Variants in KCNMA1 observed in about 807,000 individuals in gnomAD.
KCNMA1 encodes the protein potassium calcium-activated channel subfamily M alpha 1.
In KCNMA1, 29 loss-of-function variants were observed where a neutral mutation model predicts 140.0. The observed-to-expected ratio is 0.21, with a 90% CI of 0.15 to 0.28. The LOEUF (loss-of-function observed/expected upper bound fraction) is 0.28. KCNMA1 is among the 10% of genes least tolerant of loss of function. The pLI is 1.00. For synonymous variants in KCNMA1, 612 were observed against 611.9 expected, an observed-to-expected ratio of 1.00 and a Z score of 0.00; for missense variants, 880 against 1,602.2, an observed-to-expected ratio of 0.55 and a Z score of 7.70.
At chr10:77,169,603 A>G (rs2098680976) in intron 5 of KCNMA1, among the ~76,000 whole-genome samples, 1 of 151,992 alleles carries the variant, frequency 6.6e-6, no homozygotes, top group African/African-American at 2.4e-5. Flanking sequence ...TGTGTTGCCT[A>G]GGCTGGCCTC....
At chr10:77,512,778 G>A (rs918049522) in intron 1 of KCNMA1, among the ~76,000 whole-genome samples, 13 of 152,272 alleles carry the variant, frequency 8.5e-5, no homozygotes, top group African/African-American at 2.9e-4. Context: ...AGGCAGAGAG[G>A]CCTGTGATGA....
chr10:77,413,771 G>T (rs1359427411), intron 1 of KCNMA1, among the ~76,000 whole-genome samples: 1 of 152,174 alleles, frequency 6.6e-6, no homozygotes, highest in Non-Finnish European at 1.5e-5. Flanking sequence ...TAAGACATTT[G>T]CACTGATTAA....
In KCNMA1 at chr10:76,885,380, A is replaced by C; in HGVS notation, c.*1886T>G. On this transcript the variant is annotated 3_prime_UTR_variant, in exon 28 of 28. Coordinates refer to ENST00000286628, the MANE Select transcript of KCNMA1 (RefSeq NM_001161352.2). ...ATTTACATGTATACAATTATTCCCC[A>C]CCACAATACTGGTTTGAATACTACG... is the stretch of plus-strand genomic sequence containing the variant. The C allele has an allele frequency of 1.0e-6, 1 of 985,084 alleles. No homozygotes were observed. 61.0% of individuals were successfully genotyped at this position (985,084 alleles called of 1,614,324 possible).
At chr10:76,966,858 C>T (rs2074141103) in intron 20 of KCNMA1, among the ~76,000 whole-genome samples, 1 of 152,192 alleles carries the variant, frequency 6.6e-6, no homozygotes, top group Non-Finnish European at 1.5e-5. Context: ...ACTCGCCATT[C>T]AGCTCTATCT....
At chr10:76,965,377 G>A (rs1244735168) in intron 20 of KCNMA1, among the ~76,000 whole-genome samples, 3 of 152,186 alleles carry the variant, frequency 2.0e-5, no homozygotes, top group Non-Finnish European at 2.9e-5. Context: ...CTGGGGTTGA[G>A]TGGGCCTTCT....
intron 23 of KCNMA1, among the ~76,000 whole-genome samples, chr10:76,926,529 TA>T (rs2057734266): frequency 6.6e-6 from 1 of 152,172 alleles, no homozygotes; most frequent in African/African-American, 2.4e-5. Flanking sequence ...ACATGGGTTT[TA>T]GTCCCAGGTC....
At chr10:77,143,113 T>C (rs2098217078) in intron 5 of KCNMA1, among the ~76,000 whole-genome samples, 1 of 151,762 alleles carries the variant, frequency 6.6e-6, no homozygotes. Flanking sequence ...AAGAGTATTA[T>C]GAAAAGAAAA....
chr10:77,012,043 C>T lies in KCNMA1; in HGVS notation c.2016G>A (p.Arg672=). ...FIASDAKEVK[R]AFFYCKACHD... ...GACAGGCCTTGCAGTAAAAAAATGC[C>T]CTGGAGAAAGAGAATGGAAAAACTG... Residue 672 remains arginine, a splice_region_variant and synonymous_variant, in exon 18 of 28, where the codon AGG becomes AGA. Transcript: ENST00000286628. 6.2e-7 allele frequency: 1 copy of T among 1,613,674 alleles called. No homozygotes were observed. The highest frequency in any genetic ancestry group is 8.5e-7 in the Non-Finnish European group (1 of 1,179,854).
intron 25 of KCNMA1, among the ~76,000 whole-genome samples, chr10:76,908,909 C>T (rs1432933207): frequency 1.3e-5 from 2 of 152,204 alleles, no homozygotes; most frequent in Non-Finnish European, 2.9e-5. Flanking sequence ...CTACTTTTGC[C>T]TTTTGCAGTG....
At chr10:77,566,131 T>C (rs1348411906) in intron 1 of KCNMA1, among the ~76,000 whole-genome samples, 1 of 152,150 alleles carries the variant, frequency 6.6e-6, no homozygotes, top group African/African-American at 2.4e-5. Flanking sequence ...ATAGCAAAAA[T>C]AGGCTTTGGA....
chr10:77,339,536 C>G (rs1171522238), intron 2 of KCNMA1, among the ~76,000 whole-genome samples: 1 of 152,198 alleles, frequency 6.6e-6, no homozygotes, highest in Non-Finnish European at 1.5e-5. Context: ...CACCCCACCT[C>G]CCCACCACCC....
chr10:77,176,481 G>A (rs2098752502), intron 5 of KCNMA1, among the ~76,000 whole-genome samples: 2 of 152,098 alleles, frequency 1.3e-5, no homozygotes, highest in African/African-American at 4.8e-5. Context: ...GTCACTCCAT[G>A]CAAATGAGGG....
At chr10:77,110,852 T>C (rs2097303607) in intron 7 of KCNMA1, among the ~76,000 whole-genome samples, 1 of 152,206 alleles carries the variant, frequency 6.6e-6, no homozygotes, top group African/African-American at 2.4e-5. Context: ...GCCCTGCTTA[T>C]TTCTGATTCA....
intron 23 of KCNMA1, among the ~76,000 whole-genome samples, chr10:76,916,624 G>A (rs2053041337): frequency 6.6e-6 from 1 of 152,100 alleles, no homozygotes; most frequent in South Asian, 2.1e-4. Context: ...CAATGAATTA[G>A]GGACTTTTAG....
At chr10:77,119,855 T>C (rs552204036) in intron 6 of KCNMA1, among the ~76,000 whole-genome samples, 1 of 152,194 alleles carries the variant, frequency 6.6e-6, no homozygotes, top group Non-Finnish European at 1.5e-5. Flanking sequence ...CACAGTCACA[T>C]AGATGAGCAG....
chr10:77,534,114 T>C (rs2058331510), intron 1 of KCNMA1, among the ~76,000 whole-genome samples: 1 of 152,200 alleles, frequency 6.6e-6, no homozygotes, highest in Non-Finnish European at 1.5e-5. Context: ...AGCTTCTCCC[T>C]AGCCTGGCAA....
rs193018489 is a variant in KCNMA1 at position 77,492,024 on chromosome 10, C to T, written c.379-88001G>A. Among the ~76,000 whole-genome samples, 23 of 152,248 alleles carry T rather than the reference C, an allele frequency of 1.5e-4. No homozygotes were observed. The East Asian group carries it at 4.1e-3, about 27-fold the overall frequency. ...AGCATCTTGTACGCCCTGCCGGTCC[C>T]GCCTCACTGCCTACTGCTCCGTTCA... On this transcript the variant is annotated intron_variant, in intron 1 of 27. Coordinates refer to ENST00000286628, the MANE Select transcript of KCNMA1 (RefSeq NM_001161352.2).
intron 6 of KCNMA1, among the ~76,000 whole-genome samples, chr10:77,117,539 C>CAAAAAAAAAAAAAAAAAAAA (rs56926398): frequency 1.8e-4 from 4 of 22,510 alleles, no homozygotes; most frequent in Non-Finnish European, 2.4e-4. Context: ...GAGTCTATCT[C>CAAAAAAAAAAAAAAAAAAAA]AAAAAAAAAA....
intron 1 of KCNMA1, among the ~76,000 whole-genome samples, chr10:77,415,678 CAGG>C (rs1355787938): frequency 1.3e-5 from 2 of 152,212 alleles, no homozygotes; most frequent in East Asian, 1.9e-4. Flanking sequence ...TCCTGTAGAC[CAGG>C]AGGAGGATCC....
Sources: gnomAD v4.1 joint callset for allele counts (sites outside exome capture counted in the v4.1 genomes callset) on GRCh38, gnomAD v4.1.1 for gene constraint, MANE v1.5 for transcripts, NCBI Gene and HGNC (gene_info 2026-07-23, HGNC 2026-07-21) for gene names.